FBXL17: variants seen among roughly 807,000 people sequenced by gnomAD.
FBXL17 encodes the protein F-box and leucine rich repeat protein 17.
Under a neutral mutation model 66.2 loss-of-function variants are expected in FBXL17, and 22 were observed. That is an observed-to-expected ratio of 0.33 (90% CI 0.24 to 0.47). FBXL17 has a LOEUF of 0.47. Among genes scored for constraint, FBXL17 ranks in the 20% least tolerant of loss-of-function variants. The pLI is 1.00. For missense variants in FBXL17, 878 were observed against 948.2 expected (o/e 0.93, Z 0.97); for synonymous variants, 474 against 400.5 (o/e 1.18, Z -2.19).
chr5:108,355,092 A>G (rs374692228), intron 3 of FBXL17, among the ~76,000 whole-genome samples: 1 of 152,104 alleles, frequency 6.6e-6, no homozygotes, highest in Non-Finnish European at 1.5e-5. Flanking sequence ...AATGCATCAG[A>G]GAAAGAATAA....
intron 4 of FBXL17, among the ~76,000 whole-genome samples, chr5:108,267,010 T>C (rs1757072077): frequency 6.6e-6 from 1 of 152,140 alleles, no homozygotes; most frequent in African/African-American, 2.4e-5. Flanking sequence ...ATTTATTCTA[T>C]AGCATAAGTT....
chr5:108,206,258 A>G (rs1426025955), intron 5 of FBXL17, among the ~76,000 whole-genome samples: 3 of 152,150 alleles, frequency 2.0e-5, no homozygotes, highest in East Asian at 1.9e-4. Flanking sequence ...TGTAATTCCT[A>G]TAAGAAAAAA....
At chr5:108,153,974 A>G (rs1751867534) in intron 6 of FBXL17, among the ~76,000 whole-genome samples, 1 of 152,160 alleles carries the variant, frequency 6.6e-6, no homozygotes, top group East Asian at 1.9e-4. Context: ...GTGGCTATAT[A>G]GGAACTGTCA....
chr5:108,073,093 C>T (rs533351252), intron 6 of FBXL17, among the ~76,000 whole-genome samples: 26 of 152,158 alleles, frequency 1.7e-4, no homozygotes, highest in African/African-American at 5.8e-4. Flanking sequence ...CAATATTCTA[C>T]AGCAATAGTT....
intron 6 of FBXL17, among the ~76,000 whole-genome samples, chr5:108,154,644 C>CACACAT (rs1165360591): frequency 6.7e-5 from 9 of 134,968 alleles, no homozygotes; most frequent in South Asian, 4.8e-4. Flanking sequence ...CACACACACA[C>CACACAT]ACACATATAT....
chr5:108,018,075 G>C (rs1254375696), intron 7 of FBXL17, among the ~76,000 whole-genome samples: 1 of 151,980 alleles, frequency 6.6e-6, no homozygotes, highest in African/African-American at 2.4e-5. Flanking sequence ...TCAGTATACT[G>C]TACTAAAAGA....
At position 107,869,261 on chromosome 5, in the gene FBXL17, C is replaced by T. The variant is rs547451145; in HGVS notation, c.1966-7401G>A. On this transcript the variant is annotated intron_variant, in intron 8 of 8. Transcript: ENST00000542267. ...GACAATACGCCTCTGGAGCCTGCTT[C>T]TCTCCGCGTTTCTTGGCTCTCTGGG... Among the ~76,000 whole-genome samples, 27 of 152,330 alleles carry T rather than the reference C, an allele frequency of 1.8e-4. No individual in the cohort carries two copies. The South Asian group carries it at 3.9e-3, about 22-fold the overall frequency.
chr5:108,101,545 CA>C (rs1259920172), intron 6 of FBXL17, among the ~76,000 whole-genome samples: 1 of 152,230 alleles, frequency 6.6e-6, no homozygotes, highest in Non-Finnish European at 1.5e-5. Context: ...TAACAGTTCT[CA>C]GCTAATTCCT....
chr5:108,135,441 C>G (rs1751096195), intron 6 of FBXL17, among the ~76,000 whole-genome samples: 1 of 152,010 alleles, frequency 6.6e-6, no homozygotes, highest in Non-Finnish European at 1.5e-5. Flanking sequence ...GATGAGAAAC[C>G]ACCTTAACTA....
chr5:108,187,617 G>C (rs909208645), intron 5 of FBXL17, among the ~76,000 whole-genome samples: 1 of 152,144 alleles, frequency 6.6e-6, no homozygotes, highest in African/African-American at 2.4e-5. Flanking sequence ...AAGGAACATG[G>C]GCAGCTTTAG....
intron 4 of FBXL17, among the ~76,000 whole-genome samples, chr5:108,229,843 T>A (rs1755250087): frequency 6.6e-6 from 1 of 152,068 alleles, no homozygotes; most frequent in Non-Finnish European, 1.5e-5. Context: ...ATACCCAGAA[T>A]CTAGAAGCAA....
intron 4 of FBXL17, chr5:108,298,582 T>C (rs1170646383): frequency 1.1e-6 from 1 of 950,100 alleles, no homozygotes; most frequent in Non-Finnish European, 1.3e-6. Context: ...GGAAACAATG[T>C]TGTAACTGTA....
rs1417119133 is a variant in FBXL17, at chr5:108,276,264, A to C, written c.1507-52036T>G. 2.0e-5 allele frequency among the ~76,000 whole-genome samples: 3 copies of C among 152,174 alleles called. No individual in the cohort carries two copies. The East Asian group carries it at 5.8e-4, about 29-fold the overall frequency. On this transcript the variant is annotated intron_variant, in intron 4 of 8. Coordinates refer to ENST00000542267, the MANE Select transcript of FBXL17 (RefSeq NM_001163315.3). ...TTTAATTGCTTTGTTAGAATATGAA[A>C]ACATTACTTTCAGAGAAACTATCAA...
intron 6 of FBXL17, among the ~76,000 whole-genome samples, chr5:108,046,616 G>C (rs926503388): frequency 6.6e-6 from 1 of 151,922 alleles, no homozygotes; most frequent in African/African-American, 2.4e-5. Context: ...TTTCTAAATG[G>C]TTGCTCTAGG....
intron 4 of FBXL17, among the ~76,000 whole-genome samples, chr5:108,331,096 T>A (rs1253432533): frequency 6.6e-6 from 1 of 152,176 alleles, no homozygotes; most frequent in Non-Finnish European, 1.5e-5. Context: ...TAAATACAAT[T>A]GATCATAACT....
intron 4 of FBXL17, among the ~76,000 whole-genome samples, chr5:108,247,060 C>G (rs1376953239): frequency 6.6e-6 from 1 of 152,102 alleles, no homozygotes; most frequent in African/African-American, 2.4e-5. Context: ...GTAATGCACA[C>G]TTTCAAAAAA....
intron 7 of FBXL17, among the ~76,000 whole-genome samples, chr5:107,995,948 C>A (rs151190341): frequency 3.3e-5 from 5 of 152,300 alleles, no homozygotes; most frequent in Non-Finnish European, 7.4e-5. Flanking sequence ...AGTGCAGTAG[C>A]TGAGTCTATA....
chr5:108,064,986 T>C (rs1412974339), intron 6 of FBXL17, among the ~76,000 whole-genome samples: 1 of 152,132 alleles, frequency 6.6e-6, no homozygotes, highest in Non-Finnish European at 1.5e-5. Flanking sequence ...AGGCATTACA[T>C]ATAAAAGCTA....
chr5:108,299,985 T>C (rs1758513061), intron 4 of FBXL17: 1 of 259,456 alleles, frequency 3.9e-6, no homozygotes, highest in African/African-American at 2.3e-5. Context: ...TTAAAAGGAG[T>C]ATGTCCATTC....
Sources: gnomAD v4.1 joint callset for allele counts (sites outside exome capture counted in the v4.1 genomes callset) on GRCh38, gnomAD v4.1.1 for gene constraint, MANE v1.5 for transcripts, NCBI Gene and HGNC (gene_info 2026-07-23, HGNC 2026-07-21) for gene names.